MIDEAS: variants seen among roughly 807,000 people sequenced by gnomAD.
The protein encoded by MIDEAS is mitotic deacetylase associated SANT domain protein, also known as mitotic deacetylase-associated SANT domain protein.
MIDEAS carries 26 observed loss-of-function variants against 102.7 expected under a neutral mutation model. The observed-to-expected ratio is 0.25, with a 90% CI of 0.19 to 0.35. The LOEUF (loss-of-function observed/expected upper bound fraction) is 0.35. MIDEAS is among the 10% of genes least tolerant of loss of function. MIDEAS has a pLI of 1.00. For missense variants in MIDEAS, 1,231 were observed against 1,435.6 expected (o/e 0.86, Z 2.30); for synonymous variants, 585 against 591.0 (o/e 0.99, Z 0.15).
At chr14:73,786,085 A>C (rs2140184726) in intron 1 of MIDEAS, among the ~76,000 whole-genome samples, 1 of 152,294 alleles carries the variant, frequency 6.6e-6, no homozygotes, top group South Asian at 2.1e-4. Context: ...TAGGAACTGC[A>C]CCATTCAACC....
intron 12 of MIDEAS, 72 bp downstream of exon 12, chr14:73,719,227 CTCCCCT>C: frequency 2.0e-6 from 3 of 1,469,018 alleles, no homozygotes; most frequent in East Asian, 2.6e-5. Flanking sequence ...CCTCTTCCCC[CTCCCCT>C]CCACCCCACC....
intron 1 of MIDEAS, among the ~76,000 whole-genome samples, chr14:73,778,549 C>T (rs578163889): frequency 7.2e-5 from 11 of 151,938 alleles, no homozygotes; most frequent in Non-Finnish European, 1.0e-4. Context: ...AGGGGGTCAC[C>T]GAGTGGCTAT....
Position 73,718,590 on chromosome 14 carries a change from C to G in MIDEAS, c.*253G>C. On this transcript the variant is annotated 3_prime_UTR_variant, in exon 13 of 13. Transcript: ENST00000423556. Reference sequence around the variant, plus strand: ...CCCTCCCGAGGGGACCGGGACTCTCCCGGTCCAGGAAAGCACGAGGACAGC... The same window carrying G: ...CCCTCCCGAGGGGACCGGGACTCTCGCGGTCCAGGAAAGCACGAGGACAGC... 1 of 349,882 alleles carries G rather than the reference C, an allele frequency of 2.9e-6. No individual in the cohort carries two copies. Among genetic ancestry groups the G allele is most frequent in the Non-Finnish European group, 5.1e-6 (1 of 196,994 alleles). 21.7% of individuals were successfully genotyped at this position (349,882 alleles called of 1,614,324 possible).
At chr14:73,768,893 A>G (rs1404336156) in intron 1 of MIDEAS, among the ~76,000 whole-genome samples, 3 of 152,224 alleles carry the variant, frequency 2.0e-5, no homozygotes, top group East Asian at 1.9e-4. Context: ...ACTGAGTAGC[A>G]CTGCCAGGGA....
chr14:73,768,108 C>A (rs779644992), intron 1 of MIDEAS, among the ~76,000 whole-genome samples: 4 of 152,114 alleles, frequency 2.6e-5, no homozygotes, highest in Admixed American at 1.3e-4. Context: ...TGCAGTGAGA[C>A]GAGATCACAC....
At chr14:73,745,997 G>T (rs1056307648) in intron 1 of MIDEAS, among the ~76,000 whole-genome samples, 4 of 152,214 alleles carry the variant, frequency 2.6e-5, no homozygotes, top group South Asian at 4.1e-4. Context: ...AGTCCCAGGG[G>T]TCTCAGCCAT....
Position 73,725,450 on chromosome 14 carries a change from T to TGGGCGGATGG in MIDEAS, c.2486-91_2486-90insCCATCCGCCC. 9.4e-7 allele frequency: 1 copy of TGGGCGGATGG among 1,063,788 alleles called. No individual in the cohort carries two copies. Among genetic ancestry groups the TGGGCGGATGG allele is most frequent in the Non-Finnish European group, 1.5e-6 (1 of 685,742 alleles). The allele number at this position is 1,063,788 out of a possible 1,614,324, so 65.9% of individuals were successfully genotyped here. Reference sequence around the variant, plus strand: ...TGACAAGCAAAAAAGTGTGAGGCCATCCGCCCATGGTTTCTGCAGGCATCA... The same window carrying TGGGCGGATGG: ...TGACAAGCAAAAAAGTGTGAGGCCATGGGCGGATGGCCGCCCATGGTTTCTGCAGGCATCA... On this transcript the variant is annotated intron_variant, in intron 8 of 12. Transcript: ENST00000423556. The surrounding 1 kb of genome is among the most constrained non-coding windows in gnomAD (Gnocchi z 4.1).
In MIDEAS at chr14:73,726,847, C is replaced by A; in HGVS notation, c.2288G>T (p.Arg763Leu). 1 of 1,610,850 alleles carries A rather than the reference C, an allele frequency of 6.2e-7. No homozygotes were observed. ...CTCCTCACCTTGCCTCTGCTTCTCC[C>A]GGCTGCTCTCTAGGTCCTCCCATGG... is the stretch of plus-strand genomic sequence containing the variant. ...WQPWEDLESS[R>L]EKQRQVEDLL... Residue 763 changes from arginine (R) to leucine (L), a missense_variant, in exon 6 of 13, where the codon CGG becomes CTG. Coordinates refer to ENST00000423556, the MANE Select transcript of MIDEAS (RefSeq NM_001367710.1).
In MIDEAS at chr14:73,718,691, G is replaced by A. The variant is rs558763909; in HGVS notation, c.*152C>T. ...GCTCCCAGGGCCTTCATAAATAAAA[G>A]AGCCGTTTATGTCATTGTCTCATTT... On this transcript the variant is annotated 3_prime_UTR_variant, in exon 13 of 13. Transcript: ENST00000423556. The A allele has an allele frequency of 9.2e-5, 71 of 770,894 alleles. No individual in the cohort carries two copies. In the East Asian group the frequency reaches 2.2e-3, roughly 24 times the overall value. 47.8% of individuals were successfully genotyped at this position (770,894 alleles called of 1,614,324 possible).
chr14:73,721,378 C>T lies in MIDEAS; in HGVS notation c.2856G>A (p.Lys952=), dbSNP rs1413613940. 1 of 1,613,944 alleles carries T rather than the reference C, an allele frequency of 6.2e-7. No homozygotes were observed. The highest frequency in any genetic ancestry group is 1.7e-5 in the Admixed American group (1 of 60,002). The change falls in exon 11 of 13, where the codon AAG becomes AAA. Residue 952 remains lysine (K), a synonymous_variant. Transcript: ENST00000423556. ...GEEEVPEIQE[K]EEQEEGRERS... is the part of the protein sequence containing the mutation. ...GCTCTCGCCCCTCTTCCTGCTCCTC[C>T]TTCTCTTGGATCTCTGGCACCTCCT...
chr14:73,758,508 A>C (rs1347161205), intron 1 of MIDEAS, among the ~76,000 whole-genome samples: 1 of 152,104 alleles, frequency 6.6e-6, no homozygotes, highest in Admixed American at 6.5e-5. Flanking sequence ...CAAGCCAGAC[A>C]TCCCCTCCCT....
chr14:73,722,532 G>C, intron 10 of MIDEAS, 166 bp downstream of exon 10: 1 of 669,510 alleles, frequency 1.5e-6, no homozygotes, highest in Admixed American at 2.9e-5. Flanking sequence ...CAGCAGTATA[G>C]AGAGGAGAAC....
intron 3 of MIDEAS, among the ~76,000 whole-genome samples, chr14:73,734,208 CT>C (rs2053174597): frequency 6.6e-6 from 1 of 152,040 alleles, no homozygotes; most frequent in South Asian, 2.1e-4. Context: ...TGGTCTCGAT[CT>C]CTTGACCTCG....
intron 1 of MIDEAS, among the ~76,000 whole-genome samples, chr14:73,784,308 AC>A (rs1005516336): frequency 6.6e-6 from 1 of 152,230 alleles, no homozygotes; most frequent in Non-Finnish European, 1.5e-5. Flanking sequence ...TCTCTGTGTA[AC>A]AACTTCGGGG....
In MIDEAS at chr14:73,777,509, G is replaced by GCCCTGCCTA. The variant is rs1450060127; in HGVS notation, c.-248+9592_-248+9593insTAGGCAGGG. ...TCTGGCCCATGGCCCGGCCCTGCCT[G>GCCCTGCCTA]CCCCTTTCTGCACCCCTCTCAGCCG... On this transcript the variant is annotated intron_variant, in intron 1 of 11. Coordinates refer to the MIDEAS transcript ENST00000394071. Among the ~76,000 whole-genome samples, 768 of 151,784 alleles carry GCCCTGCCTA rather than the reference G, an allele frequency of 5.1e-3. 15 individuals carry two copies. Among genetic ancestry groups the GCCCTGCCTA allele is most frequent in the Non-Finnish European group, 9.3e-3 (629 of 67,830 alleles).
chr14:73,729,528 C>T (rs2053108478), intron 4 of MIDEAS, 112 bp downstream of exon 4: 1 of 874,284 alleles, frequency 1.1e-6, no homozygotes, highest in Non-Finnish European at 1.7e-6. Context: ...GAGCAGAGCT[C>T]CTTCTCCCAG....
intron 1 of MIDEAS, among the ~76,000 whole-genome samples, chr14:73,771,627 T>C (rs942273716): frequency 1.3e-5 from 2 of 151,936 alleles, no homozygotes; most frequent in African/African-American, 4.8e-5. Flanking sequence ...TATGAGAAGG[T>C]GCTCAGAAGA....
rs181854091 is a variant in MIDEAS, at chr14:73,747,481, G to A, written c.-247-7226C>T. Among the ~76,000 whole-genome samples the A allele has an allele frequency of 5.3e-4, 80 of 152,270 alleles. 1 individual carries two copies. Among genetic ancestry groups the A allele is most frequent in the Admixed American group, 1.4e-3 (22 of 15,304 alleles). The stretch of plus-strand genomic sequence containing the variant: ...AACCACTTATTTCCAACTGAGAAAC[G>A]AGAAAGGCTGGCTCTGAAAGTAACT... On this transcript the variant is annotated intron_variant, in intron 1 of 12. Transcript: ENST00000423556.
intron 9 of MIDEAS, chr14:73,723,897 C>T (rs528966059): frequency 6.6e-6 from 1 of 152,186 alleles, no homozygotes; most frequent in Non-Finnish European, 1.5e-5. Flanking sequence ...AGTGAGCATA[C>T]AGAAATGTCA....
Sources: gnomAD v4.1 joint callset for allele counts (sites outside exome capture counted in the v4.1 genomes callset) on GRCh38, gnomAD v4.1.1 for gene constraint, Gnocchi (gnomAD v3.1) non-coding constraint, MANE v1.5 for transcripts, NCBI Gene and HGNC (gene_info 2026-07-23, HGNC 2026-07-21) for gene names.